The following BCAT1 variants were observed in gnomAD, a reference collection of about 807,000 sequenced individuals.
BCAT1 encodes branched-chain-amino-acid aminotransferase, cytosolic.
A neutral mutation model predicts 52.4 loss-of-function variants in BCAT1; 48 were observed. That is an observed-to-expected ratio of 0.92 (90% CI 0.73 to 1.16). The LOEUF (loss-of-function observed/expected upper bound fraction) is 1.16, where lower values mean the gene tolerates loss of function less well. Ranked by LOEUF, BCAT1 falls within the 50% of genes most tolerant of loss-of-function variation. The pLI is 0.00. For synonymous variants in BCAT1, 167 were observed against 161.3 expected, an observed-to-expected ratio of 1.04 and a Z score of -0.27; for missense variants, 451 against 457.1, an observed-to-expected ratio of 0.99 and a Z score of 0.12.
At chr12:24,862,534 C>A (rs1424883470) in intron 5 of BCAT1, among the ~76,000 whole-genome samples, 1 of 152,204 alleles carries the variant, frequency 6.6e-6, no homozygotes, top group Non-Finnish European at 1.5e-5. Context: ...TAGGCCCTAA[C>A]TGTAATACAT....
At chr12:24,912,868 G>T (rs1408657427) in intron 1 of BCAT1, among the ~76,000 whole-genome samples, 3 of 152,138 alleles carry the variant, frequency 2.0e-5, no homozygotes, top group Admixed American at 6.6e-5. Flanking sequence ...TCTTCAGAAG[G>T]TTGCTCAAAA....
intron 1 of BCAT1, chr12:24,902,864 C>A: frequency 6.7e-7 from 1 of 1,498,342 alleles, no homozygotes; most frequent in South Asian, 1.2e-5. Flanking sequence ...GAAACGGCGA[C>A]AAGGCGCCCG....
intron 5 of BCAT1, among the ~76,000 whole-genome samples, chr12:24,869,054 A>AGGTACTCAACATAATTGGTTCT (rs1208958940): frequency 1.3e-5 from 2 of 152,258 alleles, no homozygotes; most frequent in Non-Finnish European, 2.9e-5. Context: ...ACCTATGAAA[A>AGGTACTCAACATAATTGGTTCT]GGTACTCAAC....
intron 7 of BCAT1, among the ~76,000 whole-genome samples, chr12:24,838,943 A>G (rs1941086876): frequency 2.6e-5 from 4 of 152,226 alleles, no homozygotes; most frequent in South Asian, 2.1e-4. Flanking sequence ...AATGGAAACC[A>G]GGAATGTAGG....
In BCAT1 at chr12:24,881,250, G is replaced by A. The variant is rs1040175496; in HGVS notation, c.390+51C>T. On this transcript the variant is annotated intron_variant, in intron 4 of 10. Coordinates refer to ENST00000261192, the MANE Select transcript of BCAT1 (RefSeq NM_005504.7). ...AATTATTTATTTGGTGGTCAACACC[G>A]TGACCCGTTACATTAAAAGAAACAC... 1.5e-4 allele frequency: 192 copies of A among 1,319,404 alleles called. 2 individuals are homozygous for A. Among genetic ancestry groups the A allele is most frequent in the South Asian group, 1.3e-3 (102 of 79,750 alleles). The allele number at this position is 1,319,404 out of a possible 1,614,324, so 81.7% of individuals were successfully genotyped here. A position where few individuals can be genotyped will look rare whatever the true frequency, so the allele number is the denominator to read the frequency against.
rs1430018913 is a variant in BCAT1 at position 24,811,626 on chromosome 12, C to G, written c.*6382G>C. ...TATTTTCCACATTTCCATTATTACA[C>G]TTTTAGTGAGCTAAAATCCTTTTAA... On this transcript the variant is annotated 3_prime_UTR_variant, in exon 11 of 11. Coordinates refer to ENST00000261192, the MANE Select transcript of BCAT1 (RefSeq NM_005504.7). 1.3e-5 allele frequency: 2 copies of G among 152,148 alleles called. No individual in the cohort carries two copies. The highest frequency in any genetic ancestry group is 4.8e-5 in the African/African-American group (2 of 41,446). 9.4% of individuals were successfully genotyped at this position (152,148 alleles called of 1,614,324 possible). A position where few individuals can be genotyped will look rare whatever the true frequency, so the allele number is the denominator to read the frequency against.
At chr12:24,840,641 T>C (rs1657742307) in intron 7 of BCAT1, among the ~76,000 whole-genome samples, 1 of 152,226 alleles carries the variant, frequency 6.6e-6, no homozygotes, top group Admixed American at 6.5e-5. Flanking sequence ...ATTCTACCTC[T>C]GACTGCAGTA....
chr12:24,922,763 G>A (rs1374351345), intron 1 of BCAT1, among the ~76,000 whole-genome samples: 2 of 151,872 alleles, frequency 1.3e-5, no homozygotes, highest in African/African-American at 2.4e-5. Flanking sequence ...CCAGCTACTC[G>A]GGAGGCTGAG....
chr12:24,934,397 T>A (rs1221214624), intron 1 of BCAT1, among the ~76,000 whole-genome samples: 2 of 152,190 alleles, frequency 1.3e-5, no homozygotes, highest in Non-Finnish European at 2.9e-5. Context: ...TAGTTCTTTA[T>A]AGCAGTGTGA....
At chr12:24,898,126 G>C (rs11047694) in intron 2 of BCAT1, among the ~76,000 whole-genome samples, 1 of 152,160 alleles carries the variant, frequency 6.6e-6, no homozygotes, top group East Asian at 1.9e-4. Flanking sequence ...GTTTCCTAAA[G>C]GAAACAAATT....
In BCAT1 at chr12:24,816,822, G is replaced by T; in HGVS notation, c.*1186C>A. ...GTCATCAAGCATTAGATTCTCATAA[G>T]GAGCGCATAGCCTAGATCCCTTGCA... On this transcript the variant is annotated 3_prime_UTR_variant, in exon 11 of 11. Transcript: ENST00000261192. 5.5e-6 allele frequency: 2 copies of T among 362,056 alleles called. No individual in the cohort carries two copies. Among genetic ancestry groups the T allele is most frequent in the Non-Finnish European group, 9.9e-6 (2 of 202,634 alleles). 22.4% of individuals were successfully genotyped at this position (362,056 alleles called of 1,614,324 possible).
chr12:24,833,614 A>G (rs551840870), intron 8 of BCAT1, among the ~76,000 whole-genome samples: 3 of 152,278 alleles, frequency 2.0e-5, no homozygotes, highest in African/African-American at 7.2e-5. Flanking sequence ...TATAGCTACC[A>G]TTTATCAAGC....
intron 3 of BCAT1, among the ~76,000 whole-genome samples, chr12:24,890,059 A>G (rs981963324): frequency 7.2e-5 from 11 of 152,188 alleles, no homozygotes; most frequent in African/African-American, 2.4e-4. Context: ...CTTCATCTAT[A>G]CACTTTGCAG....
At chr12:24,897,008 T>G (rs1440124335) in intron 2 of BCAT1, among the ~76,000 whole-genome samples, 1 of 152,214 alleles carries the variant, frequency 6.6e-6, no homozygotes, top group African/African-American at 2.4e-5. Context: ...TTCACAGTAT[T>G]CTTGCACAAT....
chr12:24,821,383 G>A lies in BCAT1; in HGVS notation c.1120-3334C>T, dbSNP rs566794251. 2.6e-5 allele frequency among the ~76,000 whole-genome samples: 4 copies of A among 152,210 alleles called. No homozygotes were observed. The South Asian group carries it at 8.3e-4, about 32-fold the overall frequency. On this transcript the variant is annotated intron_variant, in intron 10 of 10. Coordinates refer to ENST00000261192, the MANE Select transcript of BCAT1 (RefSeq NM_005504.7). ...CAGTCGCTGCTTCCCACTTTATGGA[G>A]CTTCAACAGCAGCAATGCTGATTAT...
intron 10 of BCAT1, among the ~76,000 whole-genome samples, chr12:24,819,767 T>C (rs1213331318): frequency 6.6e-6 from 1 of 152,142 alleles, no homozygotes; most frequent in Non-Finnish European, 1.5e-5. Context: ...CACCTGGTAG[T>C]TTACATGCAA....
At chr12:24,832,696 T>A in intron 9 of BCAT1, 27 bp downstream of exon 9, 1 of 1,580,184 alleles carries the variant, frequency 6.3e-7, no homozygotes, top group Non-Finnish European at 8.6e-7. Flanking sequence ...TTGGAAATGA[T>A]AGGAAATGAG....
At chr12:24,932,718 C>A (rs1283129990) in intron 1 of BCAT1, among the ~76,000 whole-genome samples, 1 of 152,218 alleles carries the variant, frequency 6.6e-6, no homozygotes, top group Non-Finnish European at 1.5e-5. Flanking sequence ...CTCACTGCAA[C>A]CTCCACCTCC....
chr12:24,916,375 T>C (rs1943407128), intron 1 of BCAT1, among the ~76,000 whole-genome samples: 1 of 152,160 alleles, frequency 6.6e-6, no homozygotes. Context: ...TGTGTCTTTT[T>C]CCAAGTCTAC....
Sources: allele counts gnomAD v4.1 joint callset (sites outside exome capture counted in the v4.1 genomes callset), GRCh38; gene constraint gnomAD v4.1.1; transcripts MANE v1.5; gene names NCBI Gene and HGNC (gene_info 2026-07-23, HGNC 2026-07-21).